ATXN2: variants seen among roughly 807,000 people sequenced by gnomAD.
The protein encoded by ATXN2 is ataxin 2, also known as ataxin-2.
Under a neutral mutation model 138.6 loss-of-function variants are expected in ATXN2, and 37 were observed. The observed-to-expected ratio is 0.27, with a 90% CI of 0.21 to 0.35. The LOEUF is 0.35. Among genes scored for constraint, ATXN2 ranks in the 10% least tolerant of loss-of-function variants. ATXN2 has a pLI of 1.00. For synonymous variants in ATXN2, 549 were observed against 543.7 expected, an observed-to-expected ratio of 1.01 and a Z score of -0.13; for missense variants, 1,216 against 1,480.3, an observed-to-expected ratio of 0.82 and a Z score of 2.93.
intron 18 of ATXN2, among the ~76,000 whole-genome samples, chr12:111,473,137 G>A (rs936334946): frequency 3.3e-5 from 5 of 151,924 alleles, no homozygotes; most frequent in African/African-American, 4.8e-5. Flanking sequence ...AGCCAGGCAC[G>A]GTGGTGCTTG....
chr12:111,585,197 A>G (rs10774631), intron 1 of ATXN2, among the ~76,000 whole-genome samples: 120,755 of 152,076 alleles, frequency 0.79, 48,089 homozygotes, highest in Admixed American at 0.82. Context: ...AGGGCCTAAG[A>G]TATACAGCTA....
At chr12:111,561,246 C>G (rs530684512) in intron 1 of ATXN2, among the ~76,000 whole-genome samples, 1 of 151,688 alleles carries the variant, frequency 6.6e-6, no homozygotes, top group African/African-American at 2.4e-5. Flanking sequence ...TTAATCCCAG[C>G]ACTTTGGGAG....
intron 16 of ATXN2, among the ~76,000 whole-genome samples, chr12:111,486,193 A>G (rs1246374753): frequency 6.6e-6 from 1 of 152,200 alleles, no homozygotes; most frequent in South Asian, 2.1e-4. Flanking sequence ...ATCTCTTAGT[A>G]TCTGTGGGGG....
chr12:111,455,240 A>T (rs907048143), intron 23 of ATXN2: 1 of 661,888 alleles, frequency 1.5e-6, no homozygotes, highest in Non-Finnish European at 2.8e-6. Context: ...AGCCCCAGGG[A>T]GGGCCTCAAG....
chr12:111,538,664 G>A (rs2098330736), intron 5 of ATXN2, among the ~76,000 whole-genome samples: 1 of 150,078 alleles, frequency 6.7e-6, no homozygotes. Flanking sequence ...GTAATTTTAT[G>A]TTTTTAAAGC....
intron 18 of ATXN2, among the ~76,000 whole-genome samples, chr12:111,480,731 C>T (rs1877170797): frequency 1.3e-5 from 2 of 152,066 alleles, no homozygotes; most frequent in African/African-American, 4.8e-5. Flanking sequence ...GTGGGGACAA[C>T]GGATATCCAC....
chr12:111,585,801 CAAAAAAAAAA>C (rs761433806), intron 1 of ATXN2, among the ~76,000 whole-genome samples: 7,095 of 24,640 alleles, frequency 0.29, 701 homozygotes, highest in African/African-American at 0.41. Flanking sequence ...AACTCCATCT[CAAAAAAAAAA>C]AAAAAAAAAA....
At position 111,509,917 on chromosome 12, in the gene ATXN2, G is replaced by C. The variant is rs761725865; in HGVS notation, c.1838C>G (p.Pro613Arg). ...TTTGTTTTCAGCTTTTGAGAAGCTA[G>C]GTGATGTTTCATTGGGTTTAATATT... ...KENIKPNETSPSFSKAENKGI... is the reference protein window; with the variant it reads ...KENIKPNETSRSFSKAENKGI... Residue 613 changes from proline (P) to arginine (R), a missense_variant, in exon 13 of 25, where the codon CCT (proline) becomes CGT (arginine). By Grantham distance (103) the Pro-to-Arg change is moderately radical. Coordinates refer to ENST00000673436, the MANE Select transcript of ATXN2 (RefSeq NM_001372574.1). 3.1e-6 allele frequency: 5 copies of C among 1,612,562 alleles called. No homozygotes were observed. In the South Asian group the frequency reaches 5.5e-5, roughly 18 times the overall value.
In ATXN2 at chr12:111,491,405, T is replaced by C. The variant is rs546556057; in HGVS notation, c.1936-2625A>G. On this transcript the variant is annotated intron_variant, in intron 14 of 24. Transcript: ENST00000673436. Reference sequence around the variant, plus strand: ...TGTGCTGGGCTCATAGTCAGTGGACTTGGGGTACATGTGACCCACTGAGAC... The same window carrying C: ...TGTGCTGGGCTCATAGTCAGTGGACCTGGGGTACATGTGACCCACTGAGAC... Among the ~76,000 whole-genome samples, 423 of 152,276 alleles carry C rather than the reference T, an allele frequency of 2.8e-3. 4 individuals carry two copies. The highest frequency in any genetic ancestry group is 9.6e-3 in the African/African-American group (400 of 41,564).
chr12:111,538,576 C>CAG (rs746356050), intron 5 of ATXN2, among the ~76,000 whole-genome samples: 12 of 136,366 alleles, frequency 8.8e-5, no homozygotes, highest in Non-Finnish European at 2.1e-4. Flanking sequence ...TGGTCTTGAA[C>CAG]TACTGGGCTC....
At chr12:111,597,858 C>T (rs1411735854) in intron 1 of ATXN2, 2 of 1,287,872 alleles carry the variant, frequency 1.6e-6, no homozygotes, top group African/African-American at 3.0e-5. Context: ...CCGCCCCCTG[C>T]CACCAGCACC....
chr12:111,579,389 A>G (rs1883857990), intron 1 of ATXN2, among the ~76,000 whole-genome samples: 1 of 151,938 alleles, frequency 6.6e-6, no homozygotes, highest in Non-Finnish European at 1.5e-5. Flanking sequence ...CAGCCTCCTG[A>G]GTAGCTAGGA....
intron 5 of ATXN2, among the ~76,000 whole-genome samples, chr12:111,547,481 T>C (rs1294233013): frequency 6.6e-6 from 1 of 151,324 alleles, no homozygotes; most frequent in Non-Finnish European, 1.5e-5. Flanking sequence ...ATCCCAGCAC[T>C]TTGGGAGGCC....
chr12:111,464,324 GGTGTGTGTGTTTGTGTGTGTGT>G (rs1471350851), intron 21 of ATXN2, among the ~76,000 whole-genome samples: 1 of 126,158 alleles, frequency 7.9e-6, no homozygotes, highest in African/African-American at 3.4e-5. Context: ...TTGTGGCTTG[GGTGTGTGTGTTTGTGTGTGTGT>G]GTGTGTGTGT....
chr12:111,510,868 A>C (rs1228828412), intron 11 of ATXN2: 1 of 206,768 alleles, frequency 4.8e-6, no homozygotes, highest in African/African-American at 2.3e-5. Context: ...CTGGGATTAA[A>C]GGCACTCGCC....
In ATXN2 at chr12:111,598,716, G is replaced by T; in HGVS notation, c.251+68C>A. 2.0e-6 allele frequency: 2 copies of T among 996,362 alleles called. No individual in the cohort carries two copies. The highest frequency in any genetic ancestry group is 2.5e-6 in the Non-Finnish European group (2 of 809,110). The allele number at this position is 996,362 out of a possible 1,614,324, so 61.7% of individuals were successfully genotyped here. A position where few individuals can be genotyped will look rare whatever the true frequency, so the allele number is the denominator to read the frequency against. On this transcript the variant is annotated intron_variant, in intron 1 of 24. Transcript: ENST00000673436. The surrounding 1 kb of genome is among the most constrained non-coding windows in gnomAD (Gnocchi z 4.5). Reference sequence around the variant, plus strand: ...GCCCGGCGGGTCACGGGGCGGGGACGGCGGCGCGGGCCGCGGGGGAGGGGA... The same window carrying T: ...GCCCGGCGGGTCACGGGGCGGGGACTGCGGCGCGGGCCGCGGGGGAGGGGA...
intron 1 of ATXN2, among the ~76,000 whole-genome samples, chr12:111,585,133 A>AC: frequency 6.6e-6 from 1 of 152,202 alleles, no homozygotes; most frequent in Non-Finnish European, 1.5e-5. Flanking sequence ...GTTATGAGTC[A>AC]CCATTATGAG....
intron 6 of ATXN2, among the ~76,000 whole-genome samples, chr12:111,523,763 G>GA (rs34024430): frequency 1.5e-3 from 205 of 136,464 alleles, no homozygotes; most frequent in African/African-American, 1.8e-3. Context: ...AAATAATGCT[G>GA]AAAAAAAAAA....
intron 20 of ATXN2, among the ~76,000 whole-genome samples, chr12:111,464,978 A>G (rs1875887143): frequency 6.6e-6 from 1 of 152,216 alleles, no homozygotes; most frequent in African/African-American, 2.4e-5. Context: ...TCTAATAAAA[A>G]CACCAACATG....
Sources: allele counts gnomAD v4.1 joint callset (sites outside exome capture counted in the v4.1 genomes callset), GRCh38; gene constraint gnomAD v4.1.1; non-coding constraint Gnocchi (gnomAD v3.1); transcripts MANE v1.5; gene names NCBI Gene and HGNC (gene_info 2026-07-23, HGNC 2026-07-21).